IQCH: variants seen among roughly 807,000 people sequenced by gnomAD.
IQCH encodes IQ motif containing H.
In IQCH, 98 loss-of-function variants were observed where a neutral mutation model predicts 117.0. That is an observed-to-expected ratio of 0.84 (90% CI 0.71 to 0.99). The LOEUF (loss-of-function observed/expected upper bound fraction) is 0.99, where lower values mean the gene tolerates loss of function less well. Ranked by LOEUF, IQCH falls within the 50% of genes least tolerant of loss-of-function variation. IQCH has a pLI of 0.00. For missense variants in IQCH, 1,102 were observed against 1,243.8 expected (o/e 0.89, Z 1.72); for synonymous variants, 412 against 448.2 (o/e 0.92, Z 1.02).
chr15:67,292,277 G>T (rs1052972523), intron 4 of IQCH, among the ~76,000 whole-genome samples: 11 of 151,966 alleles, frequency 7.2e-5, no homozygotes, highest in Non-Finnish European at 1.3e-4. Context: ...TTGAGACAGG[G>T]TATTGCTCTG....
Position 67,340,452 on chromosome 15 carries a change from A to ACC in IQCH, c.508+3357_508+3358insCC, listed in dbSNP as rs1452529775. Among the ~76,000 whole-genome samples the ACC allele has an allele frequency of 6.0e-5, 7 of 116,288 alleles. No homozygotes were observed. In the East Asian group the frequency reaches 3.7e-3, roughly 62 times the overall value. 76.3% of individuals were successfully genotyped at this position (116,288 alleles called of 152,430 possible). ...AAAAAAAAAAAAAAAAAAAAAAAAA[A>ACC]AAAAAAAAAAAACAGTAACTTGTCA... On this transcript the variant is annotated intron_variant, in intron 5 of 20. Transcript: ENST00000335894.
At chr15:67,335,606 A>T (rs1968857556) in intron 4 of IQCH, among the ~76,000 whole-genome samples, 1 of 152,100 alleles carries the variant, frequency 6.6e-6, no homozygotes, top group Non-Finnish European at 1.5e-5. Flanking sequence ...ATGTCTGGAG[A>T]TGAGGTGGGG....
intron 14 of IQCH, among the ~76,000 whole-genome samples, chr15:67,415,830 C>T (rs958607997): frequency 4.6e-5 from 7 of 152,044 alleles, no homozygotes; most frequent in East Asian, 1.9e-4. Flanking sequence ...ATATGAGTTT[C>T]GATCCAGTAC....
At chr15:67,327,800 G>A (rs1021529362) in intron 4 of IQCH, among the ~76,000 whole-genome samples, 10 of 152,224 alleles carry the variant, frequency 6.6e-5, no homozygotes, top group African/African-American at 2.2e-4. Flanking sequence ...TCAGATACAT[G>A]GAGCTCAGAG....
intron 2 of IQCH, among the ~76,000 whole-genome samples, chr15:67,262,634 G>T (rs1567046075): frequency 6.6e-6 from 1 of 152,140 alleles, no homozygotes; most frequent in Non-Finnish European, 1.5e-5. Flanking sequence ...GATTTACCTG[G>T]CTAAAAATGC....
chr15:67,449,241 T>G (rs1347250965), intron 16 of IQCH, among the ~76,000 whole-genome samples: 2 of 152,246 alleles, frequency 1.3e-5, no homozygotes, highest in Admixed American at 6.5e-5. Context: ...AGATCCCATT[T>G]GTCAATTTTG....
intron 8 of IQCH, among the ~76,000 whole-genome samples, chr15:67,371,789 A>G (rs1435535612): frequency 6.6e-6 from 1 of 152,218 alleles, no homozygotes; most frequent in African/African-American, 2.4e-5. Flanking sequence ...AAACTAAATC[A>G]CAGAGATTGG....
At chr15:67,267,468 A>G (rs1965723411) in intron 3 of IQCH, among the ~76,000 whole-genome samples, 1 of 152,220 alleles carries the variant, frequency 6.6e-6, no homozygotes, top group Non-Finnish European at 1.5e-5. Context: ...TTGGACATGT[A>G]GAGGGCCTTT....
intron 19 of IQCH, among the ~76,000 whole-genome samples, chr15:67,492,691 A>G (rs1287888930): frequency 6.6e-6 from 1 of 152,170 alleles, no homozygotes; most frequent in Non-Finnish European, 1.5e-5. Flanking sequence ...ACTCAGGAGC[A>G]GGACGTGTGT....
Position 67,388,878 on chromosome 15 carries a change from G to A in IQCH, c.1504G>A (p.Glu502Lys), listed in dbSNP as rs781207918. 3.1e-5 allele frequency: 50 copies of A among 1,613,694 alleles called. No homozygotes were observed. Among genetic ancestry groups the A allele is most frequent in the East Asian group, 8.9e-5 (4 of 44,878 alleles). ...CATCTGCTCCCATCATATGAATGAC[G>A]AGTTAGTGCTGTATTACAAAAAAAT... is the stretch of plus-strand genomic sequence containing the variant. ...IYICSHHMNDELVLYYKKILS... is the reference protein window; with the variant it reads ...IYICSHHMNDKLVLYYKKILS... Residue 502 changes from glutamate to lysine, a missense_variant, in exon 12 of 21, where the codon GAG becomes AAG. Coordinates refer to ENST00000335894, the MANE Select transcript of IQCH (RefSeq NM_001031715.3). The surrounding 1 kb of genome is among the most constrained non-coding windows in gnomAD (Gnocchi z 5.5).
rs1425719101 is a variant in IQCH, at chr15:67,496,896, T to A, written c.2970+2530T>A. ...AGCCGGGCACGGTGGCGGGCGCCTG[T>A]AGTCCCAGCTACTCGGGAGGCTGAG... On this transcript the variant is annotated intron_variant, in intron 20 of 20. Transcript: ENST00000335894. This position sits in a 1 kb window ranked among gnomAD's most constrained non-coding sequence, Gnocchi z 4.4. Among the ~76,000 whole-genome samples the A allele has an allele frequency of 1.3e-5, 2 of 150,536 alleles. No individual in the cohort carries two copies. The highest frequency in any genetic ancestry group is 3.0e-5 in the Non-Finnish European group (2 of 67,640).
At chr15:67,455,983 A>T (rs888528950) in intron 16 of IQCH, among the ~76,000 whole-genome samples, 2 of 152,232 alleles carry the variant, frequency 1.3e-5, no homozygotes, top group African/African-American at 4.8e-5. Flanking sequence ...ATAAGAAAAA[A>T]GCAAAGAAAT....
intron 6 of IQCH, among the ~76,000 whole-genome samples, chr15:67,345,590 T>C (rs1969352291): frequency 6.6e-6 from 1 of 152,240 alleles, no homozygotes; most frequent in South Asian, 2.1e-4. Context: ...AGAAAAACTA[T>C]GAGAAAAACA....
chr15:67,382,363 G>A (rs925526048), intron 10 of IQCH, among the ~76,000 whole-genome samples: 17 of 152,182 alleles, frequency 1.1e-4, no homozygotes, highest in African/African-American at 4.1e-4. Context: ...ACCTGGCCCA[G>A]CCAGATAATC....
rs1014993462 is a variant in IQCH at position 67,408,184 on chromosome 15, T to C, written c.2097+7879T>C. ...AAGCAAAAGATGAGAGGAACGAGAA[T>C]TGGTTAGTGTTCTCACATCCAGGAA... On this transcript the variant is annotated intron_variant, in intron 14 of 20. Transcript: ENST00000335894. The surrounding 1 kb of genome is among the most constrained non-coding windows in gnomAD (Gnocchi z 4.2). The C allele has an allele frequency of 1.4e-4, 21 of 152,350 alleles. No individual in the cohort carries two copies. The highest frequency in any genetic ancestry group is 4.8e-4 in the African/African-American group (20 of 41,586). The allele number at this position is 152,350 out of a possible 1,614,324, so 9.4% of individuals were successfully genotyped here. A position where few individuals can be genotyped will look rare whatever the true frequency, so the allele number is the denominator to read the frequency against.
chr15:67,459,566 AC>A lies in IQCH; in HGVS notation c.2506-5557del. ...GGGCTCAAGACCAGGCTTCTCTCCCACCCCTCCCCACACAGAAGCATGTTGC... is the reference window on the plus strand; with the variant it reads ...GGGCTCAAGACCAGGCTTCTCTCCCACCCTCCCCACACAGAAGCATGTTGC... On this transcript the variant is annotated intron_variant, in intron 16 of 20. Coordinates refer to ENST00000335894, the MANE Select transcript of IQCH (RefSeq NM_001031715.3). This position sits in a 1 kb window ranked among gnomAD's most constrained non-coding sequence, Gnocchi z 4.2. 1 of 151,786 alleles carries A rather than the reference AC, an allele frequency of 6.6e-6. No homozygotes were observed. The highest frequency in any genetic ancestry group is 1.5e-5 in the Non-Finnish European group (1 of 67,972). 9.4% of individuals were successfully genotyped at this position (151,786 alleles called of 1,614,324 possible).
rs1001284340 is a variant in IQCH at position 67,458,434 on chromosome 15, A to G, written c.2506-6693A>G. On this transcript the variant is annotated intron_variant, in intron 16 of 20. Transcript: ENST00000335894. The surrounding 1 kb of genome is among the most constrained non-coding windows in gnomAD (Gnocchi z 4.1). The stretch of plus-strand genomic sequence containing the variant: ...TTCCAGTTACCAGTGTGGTCCAGCC[A>G]CCATCATCTCTCACCTCAATTACTG... Among the ~76,000 whole-genome samples, 13 of 152,218 alleles carry G rather than the reference A, an allele frequency of 8.5e-5. No individual in the cohort carries two copies. The highest frequency in any genetic ancestry group is 7.9e-4 in the Admixed American group (12 of 15,284).
At chr15:67,323,306 G>A (rs1303964850) in intron 4 of IQCH, among the ~76,000 whole-genome samples, 4 of 140,920 alleles carry the variant, frequency 2.8e-5, no homozygotes, top group East Asian at 2.1e-4. Flanking sequence ...GCAGTGGTGC[G>A]ATCTCGGCTC....
At chr15:67,400,881 T>G (rs1197262278) in intron 14 of IQCH, among the ~76,000 whole-genome samples, 1 of 152,172 alleles carries the variant, frequency 6.6e-6, no homozygotes, top group Non-Finnish European at 1.5e-5. Context: ...TAATTTTTTT[T>G]ATCACATTCA....
Sources: gnomAD v4.1 joint callset for allele counts (sites outside exome capture counted in the v4.1 genomes callset) on GRCh38, gnomAD v4.1.1 for gene constraint, Gnocchi (gnomAD v3.1) non-coding constraint, MANE v1.5 for transcripts, NCBI Gene and HGNC (gene_info 2026-07-23, HGNC 2026-07-21) for gene names.